Variants in AKAP11 observed in about 807,000 individuals in gnomAD.
The protein encoded by AKAP11 is A-kinase anchoring protein 11, also known as A-kinase anchor protein 11.
A neutral mutation model predicts 146.1 loss-of-function variants in AKAP11; 36 were observed. That is an observed-to-expected ratio of 0.25 (90% CI 0.19 to 0.33). The LOEUF (loss-of-function observed/expected upper bound fraction) is 0.33. AKAP11 is among the 10% of genes least tolerant of loss of function. The pLI, the probability that AKAP11 is intolerant of heterozygous loss-of-function variation, is 1.00. For synonymous variants in AKAP11, 780 were observed against 786.5 expected (o/e 0.99, Z 0.14); for missense variants, 2,201 against 2,197.0 (o/e 1.00, Z -0.04).
At position 42,292,433 on chromosome 13, in the gene AKAP11, C is replaced by A; in HGVS notation, c.100C>A (p.Gln34Lys). 6.3e-7 allele frequency: 1 copy of A among 1,595,666 alleles called. No homozygotes were observed. Among genetic ancestry groups the A allele is most frequent in the South Asian group, 1.1e-5 (1 of 88,124 alleles). Reference sequence around the variant, plus strand: ...GTCTGTAAAGTCTTTATTGCAGAGTCAGAAGGAACTATGCAGTGTAACAGC... The same window carrying A: ...GTCTGTAAAGTCTTTATTGCAGAGTAAGAAGGAACTATGCAGTGTAACAGC... ...FQSVKSLLQSQKELCSVTAED... is the reference protein window; with the variant it reads ...FQSVKSLLQSKKELCSVTAED... The change falls in exon 4 of 13, where the codon CAG becomes AAG. Residue 34 changes from glutamine to lysine, a missense_variant. Gln to Lys is a moderately conservative substitution (Grantham distance 53). Coordinates refer to ENST00000025301, the MANE Select transcript of AKAP11 (RefSeq NM_016248.4).
intron 1 of AKAP11, among the ~76,000 whole-genome samples, chr13:42,281,965 TATA>T (rs1236212329): frequency 3.3e-5 from 5 of 151,560 alleles, no homozygotes; most frequent in Non-Finnish European, 7.4e-5. Flanking sequence ...TGTGTCTGTA[TATA>T]ATTTTTTCTT....
At chr13:42,307,572 T>C (rs907243945) in intron 8 of AKAP11, among the ~76,000 whole-genome samples, 1 of 151,900 alleles carries the variant, frequency 6.6e-6, no homozygotes, top group Non-Finnish European at 1.5e-5. Flanking sequence ...GAATAAGTCA[T>C]GTGGGAGTCA....
intron 1 of AKAP11, among the ~76,000 whole-genome samples, chr13:42,278,560 T>A (rs1378586553): frequency 6.6e-6 from 1 of 152,218 alleles, no homozygotes; most frequent in East Asian, 1.9e-4. Flanking sequence ...GACAGTCTTT[T>A]TTTGTCTCCA....
rs756570423 is a variant in AKAP11, at chr13:42,303,458, A to T, written c.4712A>T (p.Asp1571Val). ...FRVSETTKSADRVTYAEKLSP... is the reference protein window; with the variant it reads ...FRVSETTKSAVRVTYAEKLSP... ...GTGTCTGAGACCACAAAATCAGCAG[A>T]CAGGGTCACTTATGCAGAAAAGTTG... Residue 1571 changes from aspartate (D) to valine (V), a missense_variant, in exon 8 of 13, where the codon GAC becomes GTC. Physicochemically the swap from Asp to Val is radical, Grantham distance 152. Transcript: ENST00000025301. 1.4e-5 allele frequency: 22 copies of T among 1,614,202 alleles called. No individual in the cohort carries two copies. The highest frequency in any genetic ancestry group is 1.9e-5 in the Non-Finnish European group (22 of 1,180,026).
At chr13:42,286,916 C>T (rs940820940) in intron 3 of AKAP11, among the ~76,000 whole-genome samples, 2 of 152,192 alleles carry the variant, frequency 1.3e-5, no homozygotes, top group African/African-American at 4.8e-5. Context: ...ACTTTGGAGG[C>T]ACTACCCATG....
chr13:42,292,337 C>G (rs773524111), intron 3 of AKAP11, 48 bp from the exon 4 acceptor site: 39 of 1,226,228 alleles, frequency 3.2e-5, no homozygotes, highest in Non-Finnish European at 4.1e-5. Context: ...TTACCCTTGT[C>G]TTAGAATTAA....
rs1477431321 is a variant in AKAP11 at position 42,285,281 on chromosome 13, C to T, written c.-99-705C>T. On this transcript the variant is annotated intron_variant, in intron 1 of 12. Transcript: ENST00000025301. ...CTGGCTTTGAACTCCTGGGCTCAAG[C>T]AGTCCTCCCACATCAGCCTCTCGAG... Among the ~76,000 whole-genome samples the T allele has an allele frequency of 2.0e-5, 3 of 152,282 alleles. No homozygotes were observed. In the East Asian group the frequency reaches 5.8e-4, roughly 29 times the overall value.
At chr13:42,310,061 C>T (rs1220290391) in intron 9 of AKAP11, among the ~76,000 whole-genome samples, 1 of 152,166 alleles carries the variant, frequency 6.6e-6, no homozygotes, top group East Asian at 1.9e-4. Flanking sequence ...AAAAGAATCT[C>T]ATTAACAGAA....
At chr13:42,284,697 G>C (rs995289003) in intron 1 of AKAP11, among the ~76,000 whole-genome samples, 1 of 152,132 alleles carries the variant, frequency 6.6e-6, no homozygotes, top group Non-Finnish European at 1.5e-5. Context: ...AAACTTCTCT[G>C]GTAAATACGG....
intron 5 of AKAP11, 144 bp downstream of exon 5, chr13:42,295,886 C>T (rs1959484127): frequency 4.5e-6 from 3 of 662,678 alleles, no homozygotes; most frequent in Non-Finnish European, 5.1e-6. Context: ...GAATGTATGA[C>T]TTGTTTGTTT....
At position 42,301,576 on chromosome 13, in the gene AKAP11, A is replaced by G; in HGVS notation, c.2830A>G (p.Lys944Glu). ...NKDMFADRLSKSIIKHSIDKS... is the reference protein window; with the variant it reads ...NKDMFADRLSESIIKHSIDKS... ...GGACATGTTTGCTGACCGGTTATCTAAATCTATTATTAAACATTCCATAGA... is the reference window on the plus strand; with the variant it reads ...GGACATGTTTGCTGACCGGTTATCTGAATCTATTATTAAACATTCCATAGA... Residue 944 changes from lysine to glutamate, a missense_variant, in exon 8 of 13, where the codon AAA becomes GAA. Coordinates refer to ENST00000025301, the MANE Select transcript of AKAP11 (RefSeq NM_016248.4). The G allele has an allele frequency of 6.2e-7, 1 of 1,614,136 alleles. No individual in the cohort carries two copies. The highest frequency in any genetic ancestry group is 8.5e-7 in the Non-Finnish European group (1 of 1,179,984).
At position 42,286,320 on chromosome 13, in the gene AKAP11, T is replaced by C; in HGVS notation, c.-29T>C. The C allele has an allele frequency of 6.6e-7, 1 of 1,510,750 alleles. No individual in the cohort carries two copies. 93.6% of individuals were successfully genotyped at this position (1,510,750 alleles called of 1,614,324 possible). A position where few individuals can be genotyped will look rare whatever the true frequency, so the allele number is the denominator to read the frequency against. On this transcript the variant is annotated 5_prime_UTR_variant, in exon 3 of 13. Transcript: ENST00000025301. ...TTTAGGTGTTTTGTGGATTAACTCT[T>C]CATTGATTATATACAACAAAAAATA... is the stretch of plus-strand genomic sequence containing the variant.
chr13:42,313,913 G>A lies in AKAP11; in HGVS notation c.5377G>A (p.Asp1793Asn), dbSNP rs1004014247. The A allele has an allele frequency of 6.2e-7, 1 of 1,613,764 alleles. No homozygotes were observed. The highest frequency in any genetic ancestry group is 1.3e-5 in the African/African-American group (1 of 75,034). ...TSDSDGPDDKDEEHEDEVEGL... is the reference protein window; with the variant it reads ...TSDSDGPDDKNEEHEDEVEGL... ...CATAAGTGATGGACCAGATGATAAA[G>A]ATGAAGAGCATGAGGACGAAGTAGA... Residue 1793 changes from aspartate (D) to asparagine (N), a missense_variant, in exon 11 of 13, where the codon GAT becomes AAT. Asp to Asn is a conservative substitution (Grantham distance 23, BLOSUM62 1). Coordinates refer to ENST00000025301, the MANE Select transcript of AKAP11 (RefSeq NM_016248.4).
intron 9 of AKAP11, 122 bp downstream of exon 9, chr13:42,308,731 A>G (rs1960410100): frequency 2.6e-6 from 2 of 767,790 alleles, no homozygotes; most frequent in Non-Finnish European, 3.8e-6. Flanking sequence ...TTCAAAATGT[A>G]TTTTATTATT....
chr13:42,298,690 A>G lies in AKAP11; in HGVS notation c.509A>G (p.Asp170Gly), dbSNP rs970852030. ...LHQKHQLETT[D>G]EDDDDTNQSV... ...CAGAAGCACCAACTTGAGACCACTG[A>G]TGAAGATGATGATGATACTAACCAG... Residue 170 changes from aspartate to glycine, a missense_variant, in exon 7 of 13, where the codon GAT becomes GGT. This residue lies in a region of AKAP11 where 331 missense variants were observed against 347.4 expected (regional missense o/e 0.95). Coordinates refer to ENST00000025301, the MANE Select transcript of AKAP11 (RefSeq NM_016248.4). 5 of 1,611,490 alleles carry G rather than the reference A, an allele frequency of 3.1e-6. No individual in the cohort carries two copies. The highest frequency in any genetic ancestry group is 3.4e-6 in the Non-Finnish European group (4 of 1,179,150).
At chr13:42,275,400 C>T (rs549725691) in intron 1 of AKAP11, among the ~76,000 whole-genome samples, 18 of 152,346 alleles carry the variant, frequency 1.2e-4, no homozygotes, top group African/African-American at 4.3e-4. Flanking sequence ...GTTTCTGCTT[C>T]TAGCACAGTT....
At chr13:42,285,452 C>T (rs141103294) in intron 1 of AKAP11, among the ~76,000 whole-genome samples, 20 of 152,342 alleles carry the variant, frequency 1.3e-4, no homozygotes, top group African/African-American at 4.6e-4. Context: ...TAGTTCCCCA[C>T]TTCTACTCTT....
intron 11 of AKAP11, among the ~76,000 whole-genome samples, chr13:42,316,054 G>A (rs1332390448): frequency 6.6e-6 from 1 of 152,138 alleles, no homozygotes. Flanking sequence ...CCTCAGGATT[G>A]CAGAAAGGCC....
At chr13:42,283,482 T>G (rs1023335571) in intron 1 of AKAP11, among the ~76,000 whole-genome samples, 4 of 152,236 alleles carry the variant, frequency 2.6e-5, no homozygotes, top group Non-Finnish European at 5.9e-5. Context: ...CAATCTTGAA[T>G]AAGGGTGTTT....
Sources: gnomAD v4.1 joint callset for allele counts (sites outside exome capture counted in the v4.1 genomes callset) on GRCh38, gnomAD v4.1.1 for gene constraint, gnomAD v4.1.1 regional missense constraint, MANE v1.5 for transcripts, NCBI Gene and HGNC (gene_info 2026-07-23, HGNC 2026-07-21) for gene names.